Variants in INPP4B observed in about 807,000 individuals in gnomAD.
INPP4B encodes inositol polyphosphate-4-phosphatase type II B.
Under a neutral mutation model 122.5 loss-of-function variants are expected in INPP4B, and 55 were observed. That is an observed-to-expected ratio of 0.45 (90% CI 0.36 to 0.56). The LOEUF (loss-of-function observed/expected upper bound fraction) is 0.56, where lower values mean the gene tolerates loss of function less well. INPP4B is among the 20% of genes least tolerant of loss of function. The pLI is 0.00. For synonymous variants in INPP4B, 403 were observed against 388.7 expected (o/e 1.04, Z -0.43); for missense variants, 1,000 against 1,097.7 (o/e 0.91, Z 1.26).
intron 3 of INPP4B, among the ~76,000 whole-genome samples, chr4:142,440,030 A>C (rs1259011867): frequency 6.6e-6 from 1 of 152,182 alleles, no homozygotes; most frequent in South Asian, 2.1e-4. Flanking sequence ...CTTTTTAATA[A>C]AATAACTCTG....
chr4:142,745,311 A>T (rs1483472069), intron 1 of INPP4B, among the ~76,000 whole-genome samples: 1 of 151,950 alleles, frequency 6.6e-6, no homozygotes, highest in Non-Finnish European at 1.5e-5. Context: ...AGATTTGAAC[A>T]CAACCATATG....
Position 142,736,123 on chromosome 4 carries a change from G to T in INPP4B, c.-253-10222C>A, listed in dbSNP as rs911476435. ...GCAGCATCACCATCACCTAGAGTTC[G>T]TTAGAAATACAGAATTCCAAGCTCC... On this transcript the variant is annotated intron_variant, in intron 1 of 25. Transcript: ENST00000262992. Among the ~76,000 whole-genome samples the T allele has an allele frequency of 2.0e-5, 3 of 152,032 alleles. No individual in the cohort carries two copies. In the East Asian group the frequency reaches 5.8e-4, roughly 29 times the overall value.
intron 12 of INPP4B, among the ~76,000 whole-genome samples, chr4:142,220,773 T>C (rs1849027905): frequency 6.6e-6 from 1 of 152,174 alleles, no homozygotes; most frequent in Non-Finnish European, 1.5e-5. Flanking sequence ...AGGTTTGGTT[T>C]CTTCTGCAAC....
rs140495198 is a variant in INPP4B, at chr4:142,280,547, G to T, written c.504-9773C>A. 2.5e-3 allele frequency among the ~76,000 whole-genome samples: 387 copies of T among 152,000 alleles called. 2 individuals are homozygous for T. Among genetic ancestry groups the T allele is most frequent in the African/African-American group, 8.7e-3 (361 of 41,490 alleles). ...GGCCAGGGGTTGGTGTGGGTGTGAA[G>T]GGGTTTCTTTGTGGTAATGGAAAAG... On this transcript the variant is annotated intron_variant, in intron 9 of 25. Coordinates refer to ENST00000262992, the MANE Select transcript of INPP4B (RefSeq NM_001101669.3).
chr4:142,085,954 C>T (rs1776514417), intron 24 of INPP4B, among the ~76,000 whole-genome samples, 190 bp downstream of exon 24: 1 of 152,178 alleles, frequency 6.6e-6, no homozygotes, highest in Non-Finnish European at 1.5e-5. Flanking sequence ...TTAAGTGCAT[C>T]TTCTTCTATC....
intron 2 of INPP4B, among the ~76,000 whole-genome samples, chr4:142,628,312 C>G (rs1747017547): frequency 1.4e-5 from 2 of 143,952 alleles, no homozygotes. Context: ...ATCACAAGAA[C>G]AAAAAACTAA....
intron 23 of INPP4B, among the ~76,000 whole-genome samples, chr4:142,087,250 G>T (rs1220810207): frequency 1.3e-5 from 2 of 152,104 alleles, no homozygotes; most frequent in Non-Finnish European, 2.9e-5. Flanking sequence ...AAGAAGCACA[G>T]ATATGACACG....
intron 1 of INPP4B, among the ~76,000 whole-genome samples, chr4:142,794,709 A>C (rs1291323881): frequency 1.3e-5 from 2 of 151,898 alleles, no homozygotes; most frequent in African/African-American, 4.8e-5. Flanking sequence ...ATATATTAAA[A>C]TATTAGCATA....
intron 2 of INPP4B, among the ~76,000 whole-genome samples, chr4:142,558,450 C>A: frequency 6.6e-6 from 1 of 151,670 alleles, no homozygotes. Flanking sequence ...AGACAAAAAC[C>A]AAAAGTTAGG....
At chr4:142,047,189 T>A (rs1752000323) in intron 25 of INPP4B, among the ~76,000 whole-genome samples, 1 of 152,108 alleles carries the variant, frequency 6.6e-6, no homozygotes, top group Non-Finnish European at 1.5e-5. Flanking sequence ...CCAACAGTGG[T>A]AATTTGCTCA....
At chr4:142,643,404 A>G (rs949106745) in intron 2 of INPP4B, among the ~76,000 whole-genome samples, 1 of 152,166 alleles carries the variant, frequency 6.6e-6, no homozygotes, top group African/African-American at 2.4e-5. Context: ...ATAAAGAAAA[A>G]CAAAAGATGT....
At chr4:142,597,030 G>A (rs1006061159) in intron 2 of INPP4B, among the ~76,000 whole-genome samples, 11 of 152,134 alleles carry the variant, frequency 7.2e-5, no homozygotes, top group Non-Finnish European at 1.0e-4. Flanking sequence ...AATTATGATG[G>A]ACTAAGTATT....
At chr4:142,085,751 C>T (rs1398728963) in intron 24 of INPP4B, among the ~76,000 whole-genome samples, 1 of 152,216 alleles carries the variant, frequency 6.6e-6, no homozygotes, top group African/African-American at 2.4e-5. Flanking sequence ...AGGAGCCTTA[C>T]TGAAGCTGTG....
intron 7 of INPP4B, among the ~76,000 whole-genome samples, chr4:142,343,029 A>G (rs993827492): frequency 6.6e-6 from 1 of 152,160 alleles, no homozygotes; most frequent in Non-Finnish European, 1.5e-5. Flanking sequence ...TGCAAAGCAA[A>G]GAATGACTAG....
chr4:142,657,620 G>A (rs1332764923), intron 2 of INPP4B, among the ~76,000 whole-genome samples: 2 of 152,200 alleles, frequency 1.3e-5, no homozygotes, highest in Non-Finnish European at 2.9e-5. Context: ...TAGGGTTAAA[G>A]AATTGTTTTG....
At chr4:142,724,480 C>T (rs887009752) in intron 2 of INPP4B, among the ~76,000 whole-genome samples, 1 of 152,144 alleles carries the variant, frequency 6.6e-6, no homozygotes, top group African/African-American at 2.4e-5. Flanking sequence ...CCTATGCCTA[C>T]ATCACACAGC....
chr4:142,245,634 T>C (rs2150085625), intron 11 of INPP4B, among the ~76,000 whole-genome samples: 2 of 152,098 alleles, frequency 1.3e-5, no homozygotes, highest in East Asian at 1.9e-4. Context: ...TCTTTTTCTG[T>C]TGTTTGCAAT....
intron 1 of INPP4B, among the ~76,000 whole-genome samples, chr4:142,761,205 C>G (rs546151079): frequency 1.1e-4 from 16 of 151,022 alleles, no homozygotes; most frequent in Non-Finnish European, 1.3e-4. Flanking sequence ...AAAAAATATC[C>G]ACACCTTATT....
chr4:142,257,517 C>G (rs995532139), intron 11 of INPP4B, among the ~76,000 whole-genome samples: 9 of 152,062 alleles, frequency 5.9e-5, no homozygotes, highest in African/African-American at 9.7e-5. Flanking sequence ...TCTCAGGATA[C>G]AAAATCAATG....
Sources: allele counts gnomAD v4.1 joint callset (sites outside exome capture counted in the v4.1 genomes callset), GRCh38; gene constraint gnomAD v4.1.1; transcripts MANE v1.5; gene names NCBI Gene and HGNC (gene_info 2026-07-23, HGNC 2026-07-21).